Variants in XYLT1 observed in about 807,000 individuals in gnomAD.
XYLT1 encodes beta-D-xylosyltransferase 1.
In XYLT1, 36 loss-of-function variants were observed where a neutral mutation model predicts 91.3. That is an observed-to-expected ratio of 0.39 (90% CI 0.30 to 0.52). The LOEUF is 0.52. Among genes scored for constraint, XYLT1 ranks in the 20% least tolerant of loss-of-function variants. XYLT1 has a pLI of 0.68. For missense variants in XYLT1, 1,242 were observed against 1,284.5 expected (o/e 0.97, Z 0.51); for synonymous variants, 588 against 532.0 (o/e 1.11, Z -1.45).
intron 3 of XYLT1, among the ~76,000 whole-genome samples, chr16:17,203,899 G>A (rs1037509785): frequency 6.6e-6 from 1 of 152,206 alleles, no homozygotes; most frequent in Non-Finnish European, 1.5e-5. Flanking sequence ...CATAGTTTTT[G>A]AATGAGCAAA....
At chr16:17,281,024 G>A (rs1307761658) in intron 2 of XYLT1, among the ~76,000 whole-genome samples, 1 of 152,156 alleles carries the variant, frequency 6.6e-6, no homozygotes, top group Non-Finnish European at 1.5e-5. Flanking sequence ...CTGGGCCTGG[G>A]AATCACGATT....
chr16:17,271,389 C>G (rs143274222), intron 2 of XYLT1, among the ~76,000 whole-genome samples: 13 of 150,632 alleles, frequency 8.6e-5, no homozygotes, highest in African/African-American at 3.2e-4. Context: ...GAGAGAGACA[C>G]AGAGAGAAAG....
At chr16:17,134,363 G>C in intron 9 of XYLT1, 110 bp downstream of exon 9, 1 of 1,396,340 alleles carries the variant, frequency 7.2e-7, no homozygotes, top group Non-Finnish European at 9.7e-7. Context: ...GAAAGCATAG[G>C]GTGGCATTGC....
chr16:17,402,866 G>C (rs1005658714), intron 1 of XYLT1, among the ~76,000 whole-genome samples: 14 of 151,712 alleles, frequency 9.2e-5, no homozygotes, highest in African/African-American at 3.2e-4. Context: ...CAGCTTCCTG[G>C]AAAGCTGGAA....
intron 1 of XYLT1, among the ~76,000 whole-genome samples, chr16:17,451,003 G>C (rs1439281916): frequency 6.6e-6 from 1 of 152,178 alleles, no homozygotes; most frequent in Admixed American, 6.5e-5. Flanking sequence ...GCATGCAAAG[G>C]ACAAATGTTC....
intron 2 of XYLT1, among the ~76,000 whole-genome samples, chr16:17,357,126 G>C (rs959075255): frequency 7.9e-6 from 1 of 126,226 alleles, no homozygotes; most frequent in Non-Finnish European, 1.6e-5. Context: ...GCAGTAAGCC[G>C]AGATCATGCC....
intron 2 of XYLT1, among the ~76,000 whole-genome samples, chr16:17,321,964 A>G (rs779923889): frequency 1.3e-5 from 2 of 152,182 alleles, no homozygotes; most frequent in Non-Finnish European, 2.9e-5. Context: ...AAGAAGAAGT[A>G]GTGAAGGGAA....
intron 3 of XYLT1, among the ~76,000 whole-genome samples, chr16:17,208,453 T>C (rs919456974): frequency 1.2e-4 from 18 of 152,348 alleles, no homozygotes; most frequent in African/African-American, 4.3e-4. Context: ...TTGAAGTATC[T>C]GTGTATATGT....
At chr16:17,403,331 ATCT>A (rs2035991736) in intron 1 of XYLT1, 1 of 152,214 alleles carries the variant, frequency 6.6e-6, no homozygotes, top group Non-Finnish European at 1.5e-5. Flanking sequence ...GAACCTACAA[ATCT>A]TCTGCCAGGG....
intron 5 of XYLT1, among the ~76,000 whole-genome samples, chr16:17,172,109 C>T (rs1371782461): frequency 6.6e-6 from 1 of 152,172 alleles, no homozygotes; most frequent in Admixed American, 6.5e-5. Context: ...AGCATGGGTA[C>T]TCGGTGTACA....
At chr16:17,452,009 T>A (rs1319378125) in intron 1 of XYLT1, among the ~76,000 whole-genome samples, 5 of 152,102 alleles carry the variant, frequency 3.3e-5, no homozygotes, top group Non-Finnish European at 7.4e-5. Flanking sequence ...AGTGATAACT[T>A]CCCCTAACCC....
intron 5 of XYLT1, among the ~76,000 whole-genome samples, chr16:17,171,798 C>T (rs773334570): frequency 6.6e-5 from 10 of 152,242 alleles, no homozygotes; most frequent in Non-Finnish European, 1.3e-4. Context: ...CTCACTTCCA[C>T]CCCTATATTG....
chr16:17,338,984 C>T (rs1330509764), intron 2 of XYLT1, among the ~76,000 whole-genome samples: 1 of 152,176 alleles, frequency 6.6e-6, no homozygotes. Flanking sequence ...AAGGGAGAAA[C>T]ATCAGAAATC....
intron 2 of XYLT1, among the ~76,000 whole-genome samples, chr16:17,318,204 G>T (rs778696424): frequency 5.3e-5 from 8 of 152,154 alleles, no homozygotes; most frequent in Non-Finnish European, 1.0e-4. Context: ...AATACTCAAG[G>T]AAGAAATGAA....
chr16:17,458,437 A>T (rs1343753501), intron 1 of XYLT1, among the ~76,000 whole-genome samples: 1 of 152,208 alleles, frequency 6.6e-6, no homozygotes, highest in Non-Finnish European at 1.5e-5. Context: ...CACAGAAGAC[A>T]GGCATGGGGA....
In XYLT1 at chr16:17,319,077, C is replaced by G. The variant is rs183711199; in HGVS notation, c.402+38935G>C. 5.3e-5 allele frequency among the ~76,000 whole-genome samples: 8 copies of G among 152,268 alleles called. No individual in the cohort carries two copies. The East Asian group carries it at 1.5e-3, about 29-fold the overall frequency. On this transcript the variant is annotated intron_variant, in intron 2 of 11. Coordinates refer to ENST00000261381, the MANE Select transcript of XYLT1 (RefSeq NM_022166.4). ...TGCTGGGATTACAAGCATGAGCCACCATGCCTGGCCTCTCCTTATTCTCTT... is the reference window on the plus strand; with the variant it reads ...TGCTGGGATTACAAGCATGAGCCACGATGCCTGGCCTCTCCTTATTCTCTT...
chr16:17,454,554 T>G (rs1490297538), intron 1 of XYLT1, among the ~76,000 whole-genome samples: 3 of 146,762 alleles, frequency 2.0e-5, no homozygotes, highest in Non-Finnish European at 3.0e-5. Flanking sequence ...TTTTTTTTTT[T>G]GAGATACAGT....
At chr16:17,156,357 C>T (rs544348701) in intron 6 of XYLT1, among the ~76,000 whole-genome samples, 116 of 152,332 alleles carry the variant, frequency 7.6e-4, no homozygotes, top group African/African-American at 2.6e-3. Context: ...GCTCCTTTCT[C>T]GAGACACAAC....
At chr16:17,209,400 G>A (rs528715976) in intron 3 of XYLT1, among the ~76,000 whole-genome samples, 4 of 152,296 alleles carry the variant, frequency 2.6e-5, no homozygotes, top group African/African-American at 9.6e-5. Flanking sequence ...CCACTCATCT[G>A]TCAATGGACC....
Sources: gnomAD v4.1 joint callset for allele counts (sites outside exome capture counted in the v4.1 genomes callset) on GRCh38, gnomAD v4.1.1 for gene constraint, MANE v1.5 for transcripts, NCBI Gene and HGNC (gene_info 2026-07-23, HGNC 2026-07-21) for gene names.